Variants in PBX3 observed in about 807,000 individuals in gnomAD.
PBX3 encodes the protein pre-B-cell leukemia transcription factor 3.
A neutral mutation model predicts 48.5 loss-of-function variants in PBX3; 14 were observed. The observed-to-expected ratio is 0.29, with a 90% CI of 0.19 to 0.45. The LOEUF (loss-of-function observed/expected upper bound fraction) is 0.45. PBX3 is among the 20% of genes least tolerant of loss of function. The pLI is 1.00. For missense variants in PBX3, 386 were observed against 546.7 expected (o/e 0.71, Z 2.93); for synonymous variants, 210 against 200.3 (o/e 1.05, Z -0.41).
chr9:125,910,247 A>C (rs778777378), intron 2 of PBX3, among the ~76,000 whole-genome samples: 3 of 152,146 alleles, frequency 2.0e-5, no homozygotes, highest in Non-Finnish European at 2.9e-5. Flanking sequence ...TTCCAAATAG[A>C]AATGGACATA....
intron 3 of PBX3, among the ~76,000 whole-genome samples, chr9:125,925,013 G>A: frequency 6.6e-6 from 1 of 152,286 alleles, no homozygotes; most frequent in African/African-American, 2.4e-5. Flanking sequence ...TCTTTCTCAA[G>A]ACAGTCCTCC....
intron 2 of PBX3, among the ~76,000 whole-genome samples, chr9:125,778,969 T>C (rs1201713861): frequency 7.5e-6 from 1 of 133,184 alleles, no homozygotes; most frequent in Non-Finnish European, 1.6e-5. Flanking sequence ...ATTCACGATG[T>C]TGTGCAACCA....
chr9:125,905,146 A>T (rs1260127205), intron 2 of PBX3, among the ~76,000 whole-genome samples: 1 of 151,992 alleles, frequency 6.6e-6, no homozygotes, highest in Admixed American at 6.6e-5. Flanking sequence ...GGAAGATGTA[A>T]ATTTACACAT....
intron 2 of PBX3, among the ~76,000 whole-genome samples, chr9:125,793,673 G>A (rs1373628630): frequency 6.6e-6 from 1 of 151,710 alleles, no homozygotes; most frequent in Non-Finnish European, 1.5e-5. Context: ...CAGGTAATCC[G>A]CCTGCCTCGT....
rs1173236426 is a variant in PBX3, at chr9:125,800,875, C to T, written c.274+52252C>T. Among the ~76,000 whole-genome samples the T allele has an allele frequency of 3.4e-4, 51 of 151,366 alleles. 1 individual carries two copies. Among genetic ancestry groups the T allele is most frequent in the Non-Finnish European group, 8.8e-5 (6 of 67,930 alleles). Reference sequence around the variant, plus strand: ...TCAAGCGATTCTCCTACCTCAGTGTCTCCAGTAACTGGGATTACAGGCGCC... The same window carrying T: ...TCAAGCGATTCTCCTACCTCAGTGTTTCCAGTAACTGGGATTACAGGCGCC... On this transcript the variant is annotated intron_variant, in intron 2 of 8. Coordinates refer to ENST00000373489, the MANE Select transcript of PBX3 (RefSeq NM_006195.6).
chr9:125,794,765 C>T (rs967070720), intron 2 of PBX3, among the ~76,000 whole-genome samples: 2 of 151,622 alleles, frequency 1.3e-5, no homozygotes, highest in Non-Finnish European at 2.9e-5. Context: ...GTCCTCCTCC[C>T]ACCCACCCAC....
At chr9:125,962,238 C>T (rs773357456) in intron 7 of PBX3, 24 bp downstream of exon 7, 1 of 1,353,736 alleles carries the variant, frequency 7.4e-7, no homozygotes, top group Non-Finnish European at 1.1e-6. Flanking sequence ...CCCAGTGGGG[C>T]CTTTCTAGCA....
chr9:125,899,852 TG>T (rs2132418718), intron 2 of PBX3, among the ~76,000 whole-genome samples: 1 of 151,876 alleles, frequency 6.6e-6, no homozygotes, highest in Admixed American at 6.6e-5. Context: ...CATTATTTTT[TG>T]TAAAACTGTG....
At chr9:125,753,349 G>A (rs1227982101) in intron 2 of PBX3, among the ~76,000 whole-genome samples, 1 of 151,310 alleles carries the variant, frequency 6.6e-6, no homozygotes, top group Non-Finnish European at 1.5e-5. Flanking sequence ...GGTTTTCAGA[G>A]AAGTTGTAAA....
chr9:125,800,102 A>G (rs1354930603), intron 2 of PBX3, among the ~76,000 whole-genome samples: 1 of 152,230 alleles, frequency 6.6e-6, no homozygotes, highest in Non-Finnish European at 1.5e-5. Flanking sequence ...ATAGACCATC[A>G]GATCTTAACA....
chr9:125,784,159 C>T (rs1257480142), intron 2 of PBX3, among the ~76,000 whole-genome samples: 1 of 152,098 alleles, frequency 6.6e-6, no homozygotes, highest in Non-Finnish European at 1.5e-5. Flanking sequence ...GAGACGAAGT[C>T]TCTCTTTCTC....
intron 3 of PBX3, among the ~76,000 whole-genome samples, chr9:125,924,394 T>C (rs2132495069): frequency 6.6e-6 from 1 of 152,364 alleles, no homozygotes; most frequent in East Asian, 1.9e-4. Flanking sequence ...CACACAGATA[T>C]GTCATTGCAA....
chr9:125,822,640 A>G (rs962402655), intron 2 of PBX3, among the ~76,000 whole-genome samples: 6 of 152,064 alleles, frequency 3.9e-5, no homozygotes, highest in African/African-American at 9.7e-5. Flanking sequence ...ATTTTTTTCC[A>G]CTAGTTTAGA....
chr9:125,774,532 T>C (rs1346011406), intron 2 of PBX3, among the ~76,000 whole-genome samples: 1 of 152,250 alleles, frequency 6.6e-6, no homozygotes. Context: ...ATCTTTCACT[T>C]AATGTTTTTA....
intron 2 of PBX3, among the ~76,000 whole-genome samples, chr9:125,852,457 T>C (rs1212300313): frequency 6.6e-6 from 1 of 152,204 alleles, no homozygotes; most frequent in Non-Finnish European, 1.5e-5. Context: ...ACATTCTTCA[T>C]GTTAACTGAT....
intron 2 of PBX3, among the ~76,000 whole-genome samples, chr9:125,807,516 C>A (rs1364238904): frequency 6.6e-6 from 1 of 152,038 alleles, no homozygotes; most frequent in Non-Finnish European, 1.5e-5. Flanking sequence ...ATTCTCAACC[C>A]TTAATACTTA....
chr9:125,961,559 A>C (rs1031774534), intron 6 of PBX3, among the ~76,000 whole-genome samples: 7 of 152,196 alleles, frequency 4.6e-5, no homozygotes, highest in African/African-American at 1.7e-4. Flanking sequence ...AAGGTCTCTT[A>C]GCTATATCTT....
At chr9:125,844,713 T>A (rs1374116345) in intron 2 of PBX3, 4 of 152,146 alleles carry the variant, frequency 2.6e-5, no homozygotes, top group Non-Finnish European at 5.9e-5. Context: ...AATCCAGTCT[T>A]GGAAGAAAAC....
intron 2 of PBX3, among the ~76,000 whole-genome samples, chr9:125,901,371 A>G (rs954764075): frequency 2.6e-5 from 4 of 151,756 alleles, no homozygotes; most frequent in Admixed American, 2.0e-4. Context: ...TTTTTATACA[A>G]TAATCTTAGT....
Sources: allele counts gnomAD v4.1 joint callset (sites outside exome capture counted in the v4.1 genomes callset), GRCh38; gene constraint gnomAD v4.1.1; transcripts MANE v1.5; gene names NCBI Gene and HGNC (gene_info 2026-07-23, HGNC 2026-07-21).